Variants in YME1L1 observed in about 807,000 individuals in gnomAD.
The protein encoded by YME1L1 is ATP-dependent zinc metalloprotease YME1L1.
A neutral mutation model predicts 90.4 loss-of-function variants in YME1L1; 39 were observed. That is an observed-to-expected ratio of 0.43 (90% CI 0.33 to 0.56). YME1L1 has a LOEUF of 0.56. Ranked by LOEUF, YME1L1 falls within the 20% of genes least tolerant of loss-of-function variation. The pLI is 0.03. For missense variants in YME1L1, 617 were observed against 868.4 expected (o/e 0.71, Z 3.64); for synonymous variants, 284 against 287.3 (o/e 0.99, Z 0.12).
intron 1 of YME1L1, among the ~76,000 whole-genome samples, chr10:27,151,602 G>T (rs970289256): frequency 2.0e-5 from 3 of 152,142 alleles, no homozygotes; most frequent in African/African-American, 7.2e-5. Context: ...GCATACCCGT[G>T]GGGGCGCGGT....
intron 5 of YME1L1, among the ~76,000 whole-genome samples, chr10:27,135,414 A>C (rs2057017398): frequency 6.6e-6 from 1 of 152,242 alleles, no homozygotes; most frequent in South Asian, 2.1e-4. Flanking sequence ...AGTCTACTGG[A>C]AAAAGATATA....
At position 27,110,985 on chromosome 10, in the gene YME1L1, C is replaced by T. The variant is rs995107226; in HGVS notation, c.*992G>A. The T allele has an allele frequency of 1.3e-4, 19 of 151,998 alleles. No homozygotes were observed. The highest frequency in any genetic ancestry group is 4.4e-4 in the African/African-American group (18 of 41,360). The allele number at this position is 151,998 out of a possible 1,614,324, so 9.4% of individuals were successfully genotyped here. A position where few individuals can be genotyped will look rare whatever the true frequency, so the allele number is the denominator to read the frequency against. ...CTCCTGGGTTCAAGCAATTCTCGTG[C>T]CTCAGCCTCTCAAGTAGCTGGGATT... On this transcript the variant is annotated 3_prime_UTR_variant, in exon 19 of 19. Transcript: ENST00000376016.
At chr10:27,132,182 C>T (rs1007487924) in intron 7 of YME1L1, among the ~76,000 whole-genome samples, 1 of 152,078 alleles carries the variant, frequency 6.6e-6, no homozygotes, top group Non-Finnish European at 1.5e-5. Context: ...CTCACTGCAA[C>T]CTCAACCTCC....
chr10:27,151,069 G>A (rs2057209238), intron 1 of YME1L1, among the ~76,000 whole-genome samples: 1 of 152,020 alleles, frequency 6.6e-6, no homozygotes, highest in South Asian at 2.1e-4. Flanking sequence ...GGGACTACAG[G>A]CGCAGGCCAC....
chr10:27,121,530 G>T (rs2056867681), intron 11 of YME1L1, 82 bp from the exon 12 acceptor site: 3 of 1,061,630 alleles, frequency 2.8e-6, no homozygotes, highest in Non-Finnish European at 4.3e-6. Context: ...AAACTGGTTT[G>T]TTTTCTTTTT....
chr10:27,117,824 C>T, intron 14 of YME1L1, 97 bp from the exon 15 acceptor site: 3 of 1,251,188 alleles, frequency 2.4e-6, no homozygotes, highest in Non-Finnish European at 3.4e-6. Context: ...CTCCACCCTT[C>T]CTATCAGCAG....
chr10:27,145,344 G>A (rs1318385180), intron 3 of YME1L1, 84 bp downstream of exon 3: 15 of 1,104,262 alleles, frequency 1.4e-5, no homozygotes, highest in African/African-American at 1.6e-5. Flanking sequence ...CACAATAAAC[G>A]CTACTGTGAA....
chr10:27,149,094 C>G lies in YME1L1; in HGVS notation c.34-54G>C, dbSNP rs370961336. On this transcript the variant is annotated intron_variant, in intron 1 of 18. Coordinates refer to ENST00000376016, the MANE Select transcript of YME1L1 (RefSeq NM_014263.4). ...GTAGTTTTTTTTTAAATAAACAGAA[C>G]AATCTCCTTTTTTTGTCAGGATTTG... The G allele has an allele frequency of 4.6e-5, 67 of 1,451,274 alleles. 1 individual carries two copies. Among genetic ancestry groups the G allele is most frequent in the South Asian group, 2.4e-4 (19 of 80,684 alleles). 89.9% of individuals were successfully genotyped at this position (1,451,274 alleles called of 1,614,324 possible). A position where few individuals can be genotyped will look rare whatever the true frequency, so the allele number is the denominator to read the frequency against.
intron 18 of YME1L1, among the ~76,000 whole-genome samples, chr10:27,112,455 T>A (rs991916869): frequency 7.9e-5 from 12 of 152,164 alleles, no homozygotes; most frequent in African/African-American, 1.2e-4. Context: ...CTGTGGAGAA[T>A]GCATTCCCTA....
chr10:27,126,666 T>C, intron 9 of YME1L1, 30 bp downstream of exon 9: 1 of 1,241,184 alleles, frequency 8.1e-7, no homozygotes, highest in Non-Finnish European at 1.1e-6. Context: ...GTTTTTTCCA[T>C]CAAATCATGA....
At chr10:27,136,549 G>A (rs2057029427) in intron 4 of YME1L1, among the ~76,000 whole-genome samples, 164 bp from the exon 5 acceptor site, 2 of 152,036 alleles carry the variant, frequency 1.3e-5, no homozygotes, top group African/African-American at 4.8e-5. Context: ...TAGAGACGGG[G>A]TCTCCTTTTA....
intron 9 of YME1L1, among the ~76,000 whole-genome samples, chr10:27,124,006 A>C (rs1350934099): frequency 6.6e-6 from 1 of 152,238 alleles, no homozygotes; most frequent in Non-Finnish European, 1.5e-5. Flanking sequence ...TTCATGTAAA[A>C]ATAGATTAAA....
rs1033034096 is a variant in YME1L1, at chr10:27,138,348, G to A, written c.431-1963C>T. Reference sequence around the variant, plus strand: ...AAATTAAGTTTAAAATCAACTTCTCGATTTCCCAAGTGGGTCATTAGAGTT... The same window carrying A: ...AAATTAAGTTTAAAATCAACTTCTCAATTTCCCAAGTGGGTCATTAGAGTT... On this transcript the variant is annotated intron_variant, in intron 4 of 18. Transcript: ENST00000376016. Among the ~76,000 whole-genome samples the A allele has an allele frequency of 1.1e-4, 16 of 151,954 alleles. No homozygotes were observed. In the East Asian group the frequency reaches 2.1e-3, roughly 20 times the overall value.
At chr10:27,128,879 A>G (rs1363300079) in intron 8 of YME1L1, among the ~76,000 whole-genome samples, 1 of 152,106 alleles carries the variant, frequency 6.6e-6, no homozygotes, top group African/African-American at 2.4e-5. Flanking sequence ...ACTGCACTTC[A>G]GTCTGGGTGA....
intron 2 of YME1L1, chr10:27,146,537 G>A: frequency 6.6e-6 from 1 of 152,282 alleles, no homozygotes. Context: ...TTTGAGACCA[G>A]CCTGAGCAAC....
At chr10:27,129,136 A>G (rs11015558) in intron 8 of YME1L1, 31,407 of 142,094 alleles carry the variant, frequency 0.22, 4,399 homozygotes, top group East Asian at 0.54. Flanking sequence ...AAGAAGTGTG[A>G]TATATTCAGT....
chr10:27,131,759 T>C (rs922641776), intron 8 of YME1L1, 100 bp downstream of exon 8: 8 of 837,448 alleles, frequency 9.6e-6, no homozygotes, highest in Non-Finnish European at 1.5e-5. Flanking sequence ...TGGACACAAT[T>C]TTACCTATTC....
chr10:27,112,254 T>C (rs918525737), intron 18 of YME1L1, 134 bp from the exon 19 acceptor site: 2 of 837,554 alleles, frequency 2.4e-6, no homozygotes, highest in Non-Finnish European at 3.6e-6. Context: ...TCATGTAGAA[T>C]CTTGATTCTA....
At chr10:27,139,209 A>ATATT (rs2057060503) in intron 4 of YME1L1, among the ~76,000 whole-genome samples, 1 of 151,958 alleles carries the variant, frequency 6.6e-6, no homozygotes, top group African/African-American at 2.4e-5. Flanking sequence ...ACATATATAT[A>ATATT]TTTTTTAGAT....
Sources: allele counts gnomAD v4.1 joint callset (sites outside exome capture counted in the v4.1 genomes callset), GRCh38; gene constraint gnomAD v4.1.1; transcripts MANE v1.5; gene names NCBI Gene and HGNC (gene_info 2026-07-23, HGNC 2026-07-21).